Variants in CHST3 observed in about 807,000 individuals in gnomAD.
CHST3 encodes the protein carbohydrate sulfotransferase 3, also known as C6ST-1.
CHST3 carries 20 observed loss-of-function variants against 35.4 expected under a neutral mutation model. The ratio of observed to expected loss-of-function variants is 0.57; its 90% CI spans 0.40 to 0.82. The LOEUF is 0.82. CHST3 is among the 40% of genes least tolerant of loss of function. The pLI, the probability that CHST3 is intolerant of heterozygous loss-of-function variation, is 0.00. For missense variants in CHST3, 693 were observed against 670.1 expected, an observed-to-expected ratio of 1.03 and a Z score of -0.38; for synonymous variants, 334 against 295.9, an observed-to-expected ratio of 1.13 and a Z score of -1.32.
At chr10:71,996,063 G>A (rs1314569666) in intron 1 of CHST3, among the ~76,000 whole-genome samples, 1 of 152,208 alleles carries the variant, frequency 6.6e-6, no homozygotes, top group Non-Finnish European at 1.5e-5. Flanking sequence ...AGGCATGTGA[G>A]TAATAATATA....
At position 72,008,073 on chromosome 10, in the gene CHST3, A is replaced by G; in HGVS notation, c.1042A>G (p.Ile348Val). ...VQRLRGNCES[I>V]RLSAELGLRQ... ...GCGGCTGCGGGGCAACTGCGAGAGC[A>G]TCCGCCTGTCCGCGGAGCTGGGGCT... The change falls in exon 3 of 3, where the codon ATC (isoleucine) becomes GTC (valine). Residue 348 changes from isoleucine (I) to valine (V), a missense_variant. Physicochemically the swap from Ile to Val is conservative, Grantham distance 29 (BLOSUM62 3). Transcript: ENST00000373115. 6.5e-7 allele frequency: 1 copy of G among 1,546,040 alleles called. No homozygotes were observed. The highest frequency in any genetic ancestry group is 8.7e-7 in the Non-Finnish European group (1 of 1,144,224).
At chr10:71,967,678 G>C (rs1041578602) in intron 1 of CHST3, among the ~76,000 whole-genome samples, 2 of 152,140 alleles carry the variant, frequency 1.3e-5, no homozygotes, top group African/African-American at 4.8e-5. Flanking sequence ...ATATTATTTT[G>C]GGTATGTACC....
At chr10:71,997,442 G>C (rs573442606) in intron 1 of CHST3, among the ~76,000 whole-genome samples, 1 of 152,078 alleles carries the variant, frequency 6.6e-6, no homozygotes, top group Non-Finnish European at 1.5e-5. Context: ...CTCTGCCACT[G>C]CCTCGCTCAG....
intron 1 of CHST3, among the ~76,000 whole-genome samples, chr10:71,988,660 T>C (rs1839871392): frequency 6.6e-6 from 1 of 152,202 alleles, no homozygotes; most frequent in South Asian, 2.1e-4. Flanking sequence ...CCAATTAAAC[T>C]GCTTTTCTTT....
At chr10:71,977,827 A>G (rs1040589361) in intron 1 of CHST3, among the ~76,000 whole-genome samples, 2 of 151,874 alleles carry the variant, frequency 1.3e-5, no homozygotes, top group African/African-American at 2.4e-5. Flanking sequence ...GCACCACCAC[A>G]CCCAGTTAAT....
intron 2 of CHST3, among the ~76,000 whole-genome samples, chr10:72,006,657 T>G (rs1024614425): frequency 6.6e-6 from 1 of 152,212 alleles, no homozygotes; most frequent in East Asian, 1.9e-4. Context: ...AAAGATTTCT[T>G]AGCCTGTTCT....
intron 1 of CHST3, among the ~76,000 whole-genome samples, chr10:71,979,010 C>T (rs573247063): frequency 9.2e-5 from 14 of 152,348 alleles, no homozygotes; most frequent in African/African-American, 2.9e-4. Flanking sequence ...CTTCCCTTTC[C>T]TTCCCTCCTC....
intron 1 of CHST3, among the ~76,000 whole-genome samples, chr10:71,991,101 G>A (rs1839892963): frequency 6.6e-6 from 1 of 152,164 alleles, no homozygotes; most frequent in Non-Finnish European, 1.5e-5. Context: ...GAGAGGCCTG[G>A]ATGAATGTGT....
rs142876666 is a variant in CHST3, at chr10:71,965,008, G to A, written c.-108+314G>A. Among the ~76,000 whole-genome samples the A allele has an allele frequency of 2.5e-3, 387 of 152,306 alleles. 1 individual carries two copies. Among genetic ancestry groups the A allele is most frequent in the African/African-American group, 8.6e-3 (359 of 41,556 alleles). On this transcript the variant is annotated intron_variant, in intron 1 of 2. Transcript: ENST00000373115. Reference sequence around the variant, plus strand: ...CACACCGAAATGCACATTCCTGGGAGCGCGGGGGATTTGGCCTCTACAGCA... The same window carrying A: ...CACACCGAAATGCACATTCCTGGGAACGCGGGGGATTTGGCCTCTACAGCA...
At chr10:71,977,615 AT>A (rs942080031) in intron 1 of CHST3, among the ~76,000 whole-genome samples, 8 of 150,630 alleles carry the variant, frequency 5.3e-5, no homozygotes, top group African/African-American at 1.7e-4. Flanking sequence ...TAATTTTTAA[AT>A]TTTTTTTTAG....
chr10:72,007,695 CG>C lies in CHST3; in HGVS notation c.668del (p.Gly223AlafsTer35). The C allele has an allele frequency of 6.2e-7, 1 of 1,607,290 alleles. No homozygotes were observed. ...EDHLTQFMFR[R>X]GSSRSLCEDP... ...CCACCTGACTCAGTTCATGTTCCGC[CG>C]GGGCTCCAGCCGCTCCCTGTGCGAG... is the stretch of plus-strand genomic sequence containing the variant. On this transcript the variant is annotated frameshift_variant, in exon 3 of 3. Transcript: ENST00000373115. LOFTEE classifies it high-confidence loss of function.
rs564774695 is a variant in CHST3 at position 71,991,789 on chromosome 10, C to A, written c.-107-13947C>A. ...CACTACTAAATATACAAAAAATTAG[C>A]CAGGCATGGTGGCAGGCACCTGTAA... is the stretch of plus-strand genomic sequence containing the variant. On this transcript the variant is annotated intron_variant, in intron 1 of 2. Coordinates refer to ENST00000373115, the MANE Select transcript of CHST3 (RefSeq NM_004273.5). Among the ~76,000 whole-genome samples the A allele has an allele frequency of 1.4e-4, 22 of 152,110 alleles. No homozygotes were observed. In the South Asian group the frequency reaches 3.7e-3, roughly 26 times the overall value.
Position 71,964,427 on chromosome 10 carries a change from C to A in CHST3, c.-375C>A, listed in dbSNP as rs1047280515. The A allele has an allele frequency of 6.6e-6, 1 of 152,210 alleles. No individual in the cohort carries two copies. The highest frequency in any genetic ancestry group is 2.4e-5 in the African/African-American group (1 of 41,454). 9.4% of individuals were successfully genotyped at this position (152,210 alleles called of 1,614,324 possible). A position where few individuals can be genotyped will look rare whatever the true frequency, so the allele number is the denominator to read the frequency against. ...GGCTCGGGCCTGAGCGGGGAGGGCG[C>A]CAGGCAGGACCTCTCGCAGGCTCGC... is the stretch of plus-strand genomic sequence containing the variant. On this transcript the variant is annotated 5_prime_UTR_variant, in exon 1 of 3. Coordinates refer to ENST00000373115, the MANE Select transcript of CHST3 (RefSeq NM_004273.5).
In CHST3 at chr10:72,008,216, G is replaced by T; in HGVS notation, c.1185G>T (p.Pro395=). The change falls in exon 3 of 3, where the codon CCG becomes CCT. Residue 395 remains proline, a synonymous_variant. Coordinates refer to ENST00000373115, the MANE Select transcript of CHST3 (RefSeq NM_004273.5). ...GCTTCGCCGGCATCCCCCTGACCCC[G>T]CAGGTGGAAGACTGGATCCAAAAGA... ...MYRFAGIPLT[P]QVEDWIQKNT... is the part of the protein sequence containing the mutation. 6.4e-7 allele frequency: 1 copy of T among 1,555,076 alleles called. No homozygotes were observed. The highest frequency in any genetic ancestry group is 2.4e-5 in the East Asian group (1 of 41,310).
chr10:72,003,174 A>C (rs1840009134), intron 1 of CHST3, among the ~76,000 whole-genome samples: 1 of 152,180 alleles, frequency 6.6e-6, no homozygotes, highest in South Asian at 2.1e-4. Context: ...GGCACCTGGC[A>C]CAGAGAAATA....
chr10:71,991,730 C>G (rs572886832), intron 1 of CHST3, among the ~76,000 whole-genome samples: 7 of 152,136 alleles, frequency 4.6e-5, no homozygotes, highest in Admixed American at 3.9e-4. Context: ...GTCAGGAGTT[C>G]GAGACCACCC....
At chr10:71,978,614 C>A (rs551587143) in intron 1 of CHST3, among the ~76,000 whole-genome samples, 9 of 152,214 alleles carry the variant, frequency 5.9e-5, no homozygotes, top group Non-Finnish European at 1.3e-4. Context: ...GCGCACACAT[C>A]GATCATTTAG....
At chr10:72,001,183 C>T (rs1839989723) in intron 1 of CHST3, among the ~76,000 whole-genome samples, 1 of 152,198 alleles carries the variant, frequency 6.6e-6, no homozygotes, top group African/African-American at 2.4e-5. Context: ...GTGGTGTGCA[C>T]TCACCAGATG....
chr10:71,996,962 G>C (rs1839946931), intron 1 of CHST3, among the ~76,000 whole-genome samples: 1 of 152,052 alleles, frequency 6.6e-6, no homozygotes, highest in African/African-American at 2.4e-5. Flanking sequence ...TCACTATGTT[G>C]CTCAGGATGG....
Sources: allele counts gnomAD v4.1 joint callset (sites outside exome capture counted in the v4.1 genomes callset), GRCh38; gene constraint gnomAD v4.1.1; transcripts MANE v1.5; gene names NCBI Gene and HGNC (gene_info 2026-07-23, HGNC 2026-07-21).